The following SMCO2 variants were observed in gnomAD, a reference collection of about 807,000 sequenced individuals.
The protein encoded by SMCO2 is single-pass membrane protein with coiled-coil domains 2.
Under a neutral mutation model 29.5 loss-of-function variants are expected in SMCO2, and 25 were observed. The observed-to-expected ratio is 0.85, with a 90% confidence interval of 0.62 to 1.18. SMCO2 has a LOEUF of 1.18. Ranked by LOEUF, SMCO2 falls within the 50% of genes most tolerant of loss-of-function variation. SMCO2 has a pLI of 0.00. For synonymous variants in SMCO2, 117 were observed against 123.3 expected (o/e 0.95, Z 0.34); for missense variants, 348 against 344.5 (o/e 1.01, Z -0.08).
Position 27,494,487 on chromosome 12 carries a change from T to TTTATTATTATTATTA in SMCO2, c.507+154_507+168dup, listed in dbSNP as rs60980302. 158 of 176,492 alleles carry TTTATTATTATTATTA rather than the reference T, an allele frequency of 9.0e-4. 3 individuals carry two copies. Among genetic ancestry groups the TTTATTATTATTATTA allele is most frequent in the Admixed American group, 3.2e-3 (49 of 15,410 alleles). The allele number at this position is 176,492 out of a possible 1,614,324, so 10.9% of individuals were successfully genotyped here. A position where few individuals can be genotyped will look rare whatever the true frequency, so the allele number is the denominator to read the frequency against. On this transcript the variant is annotated intron_variant, in intron 6 of 7. Coordinates refer to ENST00000298876, the Ensembl canonical transcript of SMCO2. Reference sequence around the variant, plus strand: ...TCTCTTTCTTTTTTATTTAATTTAATTTATTATTATTATTATTATTATTAT... The same window carrying TTTATTATTATTATTA: ...TCTCTTTCTTTTTTATTTAATTTAATTTATTATTATTATTATTATTATTATTATTATTATTATTAT...
At chr12:27,471,972 T>C (rs1163668904) in intron 2 of SMCO2, among the ~76,000 whole-genome samples, 1 of 152,154 alleles carries the variant, frequency 6.6e-6, no homozygotes, top group African/African-American at 2.4e-5. Context: ...AACAACCACA[T>C]ATAGATGTGT....
the SMCO2 span, among the ~76,000 whole-genome samples, chr12:27,451,145 A>T: frequency 6.6e-6 from 1 of 152,236 alleles, no homozygotes; most frequent in Non-Finnish European, 1.5e-5. Flanking sequence ...AAAATTTCAG[A>T]TTACAGTTAA....
chr12:27,449,991 G>A, the SMCO2 span, among the ~76,000 whole-genome samples: 3 of 152,108 alleles, frequency 2.0e-5, no homozygotes, highest in East Asian at 3.9e-4. Context: ...TCCATTCATC[G>A]GCCAGTTTTA....
chr12:27,439,261 G>A, the SMCO2 span, among the ~76,000 whole-genome samples: 13 of 152,272 alleles, frequency 8.5e-5, no homozygotes, highest in Middle Eastern at 3.4e-3. Context: ...CCCTGGGCAC[G>A]AACCCTAGCC....
chr12:27,477,000 T>A lies in SMCO2; in HGVS notation c.362+2087T>A, dbSNP rs79099632. On this transcript the variant is annotated intron_variant, in intron 4 of 7. Coordinates refer to ENST00000298876, the Ensembl canonical transcript of SMCO2. ...GTAATGTTTGATTTTTGTCTCTTTC[T>A]CATTTGTATATCTATTCTATCAGTG... Among the ~76,000 whole-genome samples the A allele has an allele frequency of 1.6e-4, 25 of 152,230 alleles. No individual in the cohort carries two copies. In the East Asian group the frequency reaches 4.8e-3, roughly 29 times the overall value.
chr12:27,497,710 G>T (rs558699638), intron 7 of SMCO2: 35 of 156,714 alleles, frequency 2.2e-4, no homozygotes, highest in Middle Eastern at 3.0e-3. Context: ...TCCAGTTTGG[G>T]TAACAGAGTG....
chr12:27,442,660 GT>G, the SMCO2 span, among the ~76,000 whole-genome samples: 1 of 152,146 alleles, frequency 6.6e-6, no homozygotes, highest in Non-Finnish European at 1.5e-5. Flanking sequence ...CAGTCACTTT[GT>G]CAGGTCTCAC....
chr12:27,492,720 ATACACAGTGGGTG>A (rs575694377), intron 5 of SMCO2, among the ~76,000 whole-genome samples: 218 of 152,332 alleles, frequency 1.4e-3, no homozygotes, highest in African/African-American at 4.8e-3. Flanking sequence ...GGGAACACTT[ATACACAGTGGGTG>A]GGAGTGTAAA....
upstream of SMCO2, among the ~76,000 whole-genome samples, chr12:27,465,489 A>T (rs1320396898): frequency 6.6e-6 from 1 of 152,210 alleles, no homozygotes; most frequent in Non-Finnish European, 1.5e-5. Flanking sequence ...CTGGTTCCTA[A>T]CTAGGTAGGG....
chr12:27,484,760 G>A (rs1949672925), intron 4 of SMCO2, among the ~76,000 whole-genome samples: 1 of 150,108 alleles, frequency 6.7e-6, no homozygotes, highest in Admixed American at 6.7e-5. Flanking sequence ...GGCTGAGGCA[G>A]GAGAATTGCT....
chr12:27,489,896 G>A (rs914921415), intron 5 of SMCO2, among the ~76,000 whole-genome samples: 1 of 152,162 alleles, frequency 6.6e-6, no homozygotes, highest in Non-Finnish European at 1.5e-5. Context: ...GTGCGGGGAG[G>A]GAGGAAGGAG....
intron 4 of SMCO2, among the ~76,000 whole-genome samples, chr12:27,476,359 A>C (rs1360650405): frequency 6.6e-6 from 1 of 152,152 alleles, no homozygotes; most frequent in African/African-American, 2.4e-5. Flanking sequence ...ATGTTCTGTA[A>C]ATGTCTGTTA....
the SMCO2 span, among the ~76,000 whole-genome samples, chr12:27,448,587 G>A: frequency 6.6e-6 from 1 of 152,176 alleles, no homozygotes; most frequent in East Asian, 1.9e-4. Flanking sequence ...AGCTCCTTAA[G>A]CCAGGCTCTG....
the SMCO2 span, among the ~76,000 whole-genome samples, chr12:27,441,347 G>A: frequency 3.3e-5 from 5 of 152,074 alleles, no homozygotes; most frequent in African/African-American, 9.7e-5. Flanking sequence ...TGCCCACTTC[G>A]CCTATAAAAA....
chr12:27,456,151 G>A, the SMCO2 span, among the ~76,000 whole-genome samples: 1 of 152,208 alleles, frequency 6.6e-6, no homozygotes, highest in African/African-American at 2.4e-5. Context: ...GGAGGCAGAG[G>A]TTGCGGTGAG....
At chr12:27,472,703 A>G in intron 2 of SMCO2, 73 bp from the exon 3 acceptor site, 2 of 1,091,636 alleles carry the variant, frequency 1.8e-6, no homozygotes, top group Non-Finnish European at 2.7e-6. Flanking sequence ...TCCCTTTAGA[A>G]AGGAGTAGTG....
chr12:27,499,777 T>C (rs1260192028), intron 7 of SMCO2, among the ~76,000 whole-genome samples: 1 of 150,804 alleles, frequency 6.6e-6, no homozygotes, highest in Non-Finnish European at 1.5e-5. Context: ...TGGAGATATA[T>C]TGGTTTAACT....
At chr12:27,476,594 C>G (rs552963010) in intron 4 of SMCO2, among the ~76,000 whole-genome samples, 88 of 151,956 alleles carry the variant, frequency 5.8e-4, no homozygotes, top group Non-Finnish European at 1.1e-3. Context: ...TTAAATTGAT[C>G]CTTTTGTCAT....
At chr12:27,447,312 A>G in the SMCO2 span, among the ~76,000 whole-genome samples, 2 of 152,124 alleles carry the variant, frequency 1.3e-5, no homozygotes, top group African/African-American at 2.4e-5. Context: ...CCTTTTCTCC[A>G]TAAGGCTTTG....
Sources: gnomAD v4.1 joint callset for allele counts (sites outside exome capture counted in the v4.1 genomes callset) on GRCh38, gnomAD v4.1.1 for gene constraint, MANE v1.5 for transcripts, NCBI Gene and HGNC (gene_info 2026-07-23, HGNC 2026-07-21) for gene names.